CECR2: variants seen among roughly 807,000 people sequenced by gnomAD.
The protein encoded by CECR2 is chromatin remodeling regulator CECR2.
In CECR2, 30 loss-of-function variants were observed where a neutral mutation model predicts 154.5. The ratio of observed to expected loss-of-function variants is 0.19; its 90% CI spans 0.15 to 0.26. The LOEUF (loss-of-function observed/expected upper bound fraction) is 0.26. CECR2 is among the 10% of genes least tolerant of loss of function. CECR2 has a pLI of 1.00. For missense variants in CECR2, 1,743 were observed against 1,829.3 expected, an observed-to-expected ratio of 0.95 and a Z score of 0.86; for synonymous variants, 725 against 683.7, an observed-to-expected ratio of 1.06 and a Z score of -0.94.
In CECR2 at chr22:17,477,623, G is replaced by A. The variant is rs370336705; in HGVS notation, c.162G>A (p.Glu54=). 4 of 1,613,574 alleles carry A rather than the reference G, an allele frequency of 2.5e-6. No homozygotes were observed. Among genetic ancestry groups the A allele is most frequent in the Non-Finnish European group, 3.4e-6 (4 of 1,179,664 alleles). ...LEAALHRDDV[E]FISDLIACLL... is the part of the protein sequence containing the mutation. ...CCGCTCTTCACAGAGATGACGTGGA[G>A]TTTATCAGTGACCTGATTGCCTGCC... is the stretch of plus-strand genomic sequence containing the variant. Residue 54 remains glutamate, a synonymous_variant, in exon 2 of 19, where the codon GAG becomes GAA. Coordinates refer to ENST00000262608, the MANE Select transcript of CECR2 (RefSeq NM_001290047.2).
chr22:17,535,699 AT>A (rs890169992), intron 9 of CECR2, among the ~76,000 whole-genome samples: 1 of 151,374 alleles, frequency 6.6e-6, no homozygotes, highest in Non-Finnish European at 1.5e-5. Context: ...AAAAAAAAAA[AT>A]AGTTGGTTTA....
intron 7 of CECR2, among the ~76,000 whole-genome samples, chr22:17,509,471 C>T (rs1031845551): frequency 1.3e-4 from 20 of 151,204 alleles, no homozygotes; most frequent in African/African-American, 4.6e-4. Context: ...ACTCTGTTAC[C>T]CAGGCTGGAG....
intron 1 of CECR2, among the ~76,000 whole-genome samples, chr22:17,376,312 ATC>A (rs1601242780): frequency 1.3e-5 from 2 of 152,238 alleles, no homozygotes; most frequent in East Asian, 3.9e-4. Flanking sequence ...GCGCCTTCTC[ATC>A]TCTGAAGGGC....
chr22:17,383,535 A>G (rs1362828836), intron 1 of CECR2, among the ~76,000 whole-genome samples: 4 of 152,170 alleles, frequency 2.6e-5, no homozygotes, highest in East Asian at 1.9e-4. Flanking sequence ...TTGTTCATCC[A>G]TAAGAACCAA....
chr22:17,479,414 A>G (rs574256723), intron 2 of CECR2, among the ~76,000 whole-genome samples: 14 of 152,320 alleles, frequency 9.2e-5, no homozygotes, highest in African/African-American at 3.4e-4. Context: ...CATTACAGTA[A>G]TGATTATATA....
chr22:17,532,533 C>A (rs1367684738), intron 9 of CECR2, among the ~76,000 whole-genome samples: 1 of 151,898 alleles, frequency 6.6e-6, no homozygotes, highest in African/African-American at 2.4e-5. Flanking sequence ...AGGATTTCCT[C>A]TATTGTTTCC....
At chr22:17,432,445 A>T (rs1465927345) in intron 1 of CECR2, among the ~76,000 whole-genome samples, 1 of 152,086 alleles carries the variant, frequency 6.6e-6, no homozygotes, top group Non-Finnish European at 1.5e-5. Flanking sequence ...TTCCTGTAAA[A>T]GTTCTTTGTG....
chr22:17,456,504 G>T (rs2054856531), intron 1 of CECR2, among the ~76,000 whole-genome samples: 1 of 152,104 alleles, frequency 6.6e-6, no homozygotes, highest in East Asian at 1.9e-4. Flanking sequence ...TCTGCAAAAA[G>T]CCCTTCAAGT....
chr22:17,478,006 C>A (rs979040864), intron 2 of CECR2, among the ~76,000 whole-genome samples: 6 of 152,004 alleles, frequency 3.9e-5, no homozygotes, highest in African/African-American at 1.4e-4. Context: ...AAAGTATTGC[C>A]TAAGAAATCA....
chr22:17,489,409 C>T (rs1049622443), intron 2 of CECR2, among the ~76,000 whole-genome samples: 4 of 152,020 alleles, frequency 2.6e-5, no homozygotes, highest in African/African-American at 9.7e-5. Flanking sequence ...AAATATTTGG[C>T]CAAGTGTTTT....
intron 1 of CECR2, among the ~76,000 whole-genome samples, chr22:17,436,298 T>C (rs2054506104): frequency 1.3e-5 from 2 of 152,220 alleles, no homozygotes; most frequent in South Asian, 4.1e-4. Context: ...GCTTAAATTA[T>C]GCCAACTACA....
At chr22:17,454,559 C>T (rs962401846) in intron 1 of CECR2, among the ~76,000 whole-genome samples, 10 of 150,052 alleles carry the variant, frequency 6.7e-5, no homozygotes, top group Admixed American at 2.0e-4. Context: ...GAGCTGAGAT[C>T]GCACCACTGC....
intron 7 of CECR2, among the ~76,000 whole-genome samples, chr22:17,508,421 C>A (rs910001273): frequency 1.3e-5 from 2 of 151,974 alleles, no homozygotes; most frequent in Non-Finnish European, 2.9e-5. Context: ...TTTTACTGCA[C>A]CTTTTCTATT....
Position 17,553,169 on chromosome 22 carries a change from AG to A in CECR2, c.*334del, listed in dbSNP as rs377612459. The A allele has an allele frequency of 7.1e-6, 2 of 280,186 alleles. No individual in the cohort carries two copies. The highest frequency in any genetic ancestry group is 5.1e-5 in the Admixed American group (1 of 19,614). 17.4% of individuals were successfully genotyped at this position (280,186 alleles called of 1,614,324 possible). On this transcript the variant is annotated 3_prime_UTR_variant, in exon 19 of 19. Transcript: ENST00000262608. ...GGGAAAATCACTTTAAACTTGGGGG[AG>A]GGGGTATACTCAAGAATGGAGTGGT...
intron 1 of CECR2, among the ~76,000 whole-genome samples, chr22:17,442,159 A>T (rs571499496): frequency 1.3e-5 from 2 of 152,284 alleles, no homozygotes; most frequent in East Asian, 3.9e-4. Flanking sequence ...AAAACCGCAA[A>T]ACAAGAGCAT....
chr22:17,405,702 A>T (rs1320590814), intron 1 of CECR2, among the ~76,000 whole-genome samples: 1 of 150,638 alleles, frequency 6.6e-6, no homozygotes, highest in Non-Finnish European at 1.5e-5. Context: ...AATAGCGTTG[A>T]GTTATATTAC....
Position 17,382,062 on chromosome 22 carries a change from T to G in CECR2, c.126+12153T>G, listed in dbSNP as rs535126602. Among the ~76,000 whole-genome samples the G allele has an allele frequency of 2.6e-5, 4 of 151,954 alleles. No homozygotes were observed. In the East Asian group the frequency reaches 5.8e-4, roughly 22 times the overall value. ...GCCACCACGCCCTGCTAATTTTTTTTTTTTTTTTTAGTAGGGACGAGGTTT... is the reference window on the plus strand; with the variant it reads ...GCCACCACGCCCTGCTAATTTTTTTGTTTTTTTTTAGTAGGGACGAGGTTT... On this transcript the variant is annotated intron_variant, in intron 1 of 18. Coordinates refer to ENST00000262608, the MANE Select transcript of CECR2 (RefSeq NM_001290047.2).
intron 2 of CECR2, among the ~76,000 whole-genome samples, chr22:17,485,287 A>G (rs1187263357): frequency 6.6e-6 from 1 of 152,136 alleles, no homozygotes; most frequent in African/African-American, 2.4e-5. Flanking sequence ...TGTTTCCTAG[A>G]CCTCCGACTC....
At chr22:17,378,818 A>C (rs5992678) in intron 1 of CECR2, among the ~76,000 whole-genome samples, 1 of 152,090 alleles carries the variant, frequency 6.6e-6, no homozygotes, top group African/African-American at 2.4e-5. Flanking sequence ...TTTCCTTGTG[A>C]TGGGCATTTT....
Sources: allele counts gnomAD v4.1 joint callset (sites outside exome capture counted in the v4.1 genomes callset), GRCh38; gene constraint gnomAD v4.1.1; transcripts MANE v1.5; gene names NCBI Gene and HGNC (gene_info 2026-07-23, HGNC 2026-07-21).